GLRA1: variants seen among roughly 807,000 people sequenced by gnomAD.
GLRA1 encodes glycine receptor subunit alpha-1.
In GLRA1, 37 loss-of-function variants were observed where a neutral mutation model predicts 48.3. That is an observed-to-expected ratio of 0.77 (90% CI 0.59 to 1.01). The LOEUF is 1.01. Ranked by LOEUF, GLRA1 falls within the 50% of genes least tolerant of loss-of-function variation. The pLI, the probability that GLRA1 is intolerant of heterozygous loss-of-function variation, is 0.00. For missense variants in GLRA1, 427 were observed against 571.0 expected, an observed-to-expected ratio of 0.75 and a Z score of 2.57; for synonymous variants, 196 against 210.7, an observed-to-expected ratio of 0.93 and a Z score of 0.60.
chr5:151,902,739 A>T (rs570838823), intron 1 of GLRA1, among the ~76,000 whole-genome samples: 1 of 152,330 alleles, frequency 6.6e-6, no homozygotes, highest in Non-Finnish European at 1.5e-5. Context: ...TTGAGTGGTT[A>T]TGAAGTACTG....
intron 3 of GLRA1, among the ~76,000 whole-genome samples, chr5:151,865,700 A>T (rs146142025): frequency 1.3e-5 from 2 of 152,174 alleles, no homozygotes; most frequent in African/African-American, 4.8e-5. Flanking sequence ...AAAGAAGAAA[A>T]ACAAAATAAA....
At chr5:151,924,403 C>T (rs1048807154) in intron 1 of GLRA1, 91 bp downstream of exon 1, 2 of 854,402 alleles carry the variant, frequency 2.3e-6, no homozygotes, top group African/African-American at 3.3e-5. Context: ...ACCCCTCTTC[C>T]CCAAAATGAT....
intron 7 of GLRA1, among the ~76,000 whole-genome samples, chr5:151,846,973 C>A (rs1490253535): frequency 6.6e-6 from 1 of 152,160 alleles, no homozygotes; most frequent in African/African-American, 2.4e-5. Flanking sequence ...GCAAAAATTG[C>A]ATCTACCTAC....
chr5:151,915,732 T>C (rs1348999032), intron 1 of GLRA1, among the ~76,000 whole-genome samples: 1 of 150,450 alleles, frequency 6.6e-6, no homozygotes, highest in Non-Finnish European at 1.5e-5. Context: ...TATATATATA[T>C]ATATGAATAA....
intron 7 of GLRA1, among the ~76,000 whole-genome samples, chr5:151,849,411 C>CTTTCA (rs1752820272): frequency 4.3e-5 from 1 of 23,402 alleles, no homozygotes; most frequent in African/African-American, 2.9e-4. Context: ...CTTTCCTTTC[C>CTTTCA]TTTCCTTTCC....
chr5:151,888,260 C>G (rs1363314130), intron 2 of GLRA1, among the ~76,000 whole-genome samples: 1 of 152,214 alleles, frequency 6.6e-6, no homozygotes, highest in African/African-American at 2.4e-5. Context: ...AAGCTAGGAT[C>G]AGAAGTCTTG....
chr5:151,906,969 G>C (rs911032311), intron 1 of GLRA1, among the ~76,000 whole-genome samples: 4 of 152,228 alleles, frequency 2.6e-5, no homozygotes, highest in Admixed American at 6.5e-5. Context: ...TCCAACAATG[G>C]AAGAAGCTGC....
chr5:151,889,551 G>T (rs138477162), intron 2 of GLRA1, among the ~76,000 whole-genome samples: 5 of 152,338 alleles, frequency 3.3e-5, no homozygotes, highest in Middle Eastern at 6.8e-3. Context: ...TGCAGACTGT[G>T]CTTGCCATTC....
intron 2 of GLRA1, 21 bp from the exon 3 acceptor site, chr5:151,886,809 C>A: frequency 6.3e-7 from 1 of 1,587,114 alleles, no homozygotes; most frequent in Non-Finnish European, 8.7e-7. Context: ...AGAGAGATTC[C>A]TGCTTAGCCC....
At chr5:151,880,827 A>G (rs913494498) in intron 3 of GLRA1, among the ~76,000 whole-genome samples, 2 of 152,252 alleles carry the variant, frequency 1.3e-5, no homozygotes, top group Non-Finnish European at 2.9e-5. Flanking sequence ...GCGGATACAT[A>G]CTTAAATATC....
intron 3 of GLRA1, among the ~76,000 whole-genome samples, chr5:151,873,665 C>CA (rs60113920): frequency 0.049 from 5,313 of 107,754 alleles, 347 homozygotes; most frequent in African/African-American, 0.17. Flanking sequence ...CACTTTGTCT[C>CA]AAAAAAAAAA....
At chr5:151,862,620 C>G (rs1374983017) in intron 3 of GLRA1, among the ~76,000 whole-genome samples, 1 of 152,096 alleles carries the variant, frequency 6.6e-6, no homozygotes, top group Non-Finnish European at 1.5e-5. Flanking sequence ...AATTCAGGAG[C>G]CAAATCAATT....
chr5:151,915,140 T>C (rs551990535), intron 1 of GLRA1, among the ~76,000 whole-genome samples: 2 of 152,314 alleles, frequency 1.3e-5, no homozygotes, highest in East Asian at 3.9e-4. Context: ...TAGAACATAA[T>C]AGTATTTTTT....
At chr5:151,917,870 A>C (rs1350628931) in intron 1 of GLRA1, among the ~76,000 whole-genome samples, 4 of 152,230 alleles carry the variant, frequency 2.6e-5, no homozygotes, top group Non-Finnish European at 5.9e-5. Flanking sequence ...CTTGTTCTCC[A>C]TGTGCCTGTG....
chr5:151,835,049 AAGAG>A (rs1257669489), intron 7 of GLRA1, among the ~76,000 whole-genome samples: 6 of 144,830 alleles, frequency 4.1e-5, no homozygotes, highest in South Asian at 4.5e-4. Context: ...AAAAAAAAAA[AAGAG>A]AAGAATGAAA....
At chr5:151,904,702 C>G (rs1355606488) in intron 1 of GLRA1, among the ~76,000 whole-genome samples, 1 of 152,178 alleles carries the variant, frequency 6.6e-6, no homozygotes, top group Non-Finnish European at 1.5e-5. Flanking sequence ...GTTTCTGCAT[C>G]TGTAAAATGA....
At chr5:151,839,546 A>G (rs1763662138) in intron 7 of GLRA1, among the ~76,000 whole-genome samples, 1 of 152,134 alleles carries the variant, frequency 6.6e-6, no homozygotes, top group Non-Finnish European at 1.5e-5. Flanking sequence ...TTTGTTATGA[A>G]CTGAATATTT....
intron 2 of GLRA1, among the ~76,000 whole-genome samples, chr5:151,890,108 CAAAT>C (rs1231522873): frequency 2.0e-5 from 3 of 152,034 alleles, no homozygotes; most frequent in Admixed American, 6.6e-5. Flanking sequence ...AATAAATGAA[CAAAT>C]AAATAAATCA....
chr5:151,904,306 C>T (rs1444661063), intron 1 of GLRA1, among the ~76,000 whole-genome samples: 7 of 152,164 alleles, frequency 4.6e-5, no homozygotes, highest in East Asian at 1.9e-4. Context: ...GGGGACCAAA[C>T]GGGATCCTGA....
Sources: allele counts gnomAD v4.1 joint callset (sites outside exome capture counted in the v4.1 genomes callset), GRCh38; gene constraint gnomAD v4.1.1; transcripts MANE v1.5; gene names NCBI Gene and HGNC (gene_info 2026-07-23, HGNC 2026-07-21).